LRMDA: variants seen among roughly 807,000 people sequenced by gnomAD.
The protein encoded by LRMDA is leucine-rich melanocyte differentiation-associated protein.
Under a neutral mutation model 29.8 loss-of-function variants are expected in LRMDA, and 18 were observed. That is an observed-to-expected ratio of 0.60 (90% CI 0.42 to 0.90). The LOEUF (loss-of-function observed/expected upper bound fraction) is 0.90. Among genes scored for constraint, LRMDA ranks in the 40% least tolerant of loss-of-function variants. The probability of loss-of-function intolerance (pLI) is 0.00; values close to 1 mark genes in which losing one functional copy is unlikely to be tolerated. For missense variants in LRMDA, 273 were observed against 273.9 expected, an observed-to-expected ratio of 1.00 and a Z score of 0.02; for synonymous variants, 125 against 109.4, an observed-to-expected ratio of 1.14 and a Z score of -0.89.
intron 2 of LRMDA, among the ~76,000 whole-genome samples, chr10:75,720,506 CTG>C (rs560431386): frequency 1.0e-3 from 156 of 152,320 alleles, no homozygotes; most frequent in African/African-American, 3.4e-3. Flanking sequence ...TGTGCCCATT[CTG>C]TGAGTGGAAA....
At chr10:76,307,367 AATG>A (rs1840570269) in intron 5 of LRMDA, among the ~76,000 whole-genome samples, 1 of 152,148 alleles carries the variant, frequency 6.6e-6, no homozygotes, top group South Asian at 2.1e-4. Context: ...GCCTAAAGAT[AATG>A]ATGAGATGTT....
intron 2 of LRMDA, among the ~76,000 whole-genome samples, chr10:75,688,316 A>G (rs536688642): frequency 6.6e-6 from 1 of 152,334 alleles, no homozygotes; most frequent in East Asian, 1.9e-4. Context: ...ATAAAATACC[A>G]ACATTAGCAG....
At position 75,819,208 on chromosome 10, in the gene LRMDA, A is replaced by G. The variant is rs1179169581; in HGVS notation, c.132-216800A>G. 9.2e-5 allele frequency among the ~76,000 whole-genome samples: 14 copies of G among 152,310 alleles called. No homozygotes were observed. In the East Asian group the frequency reaches 1.4e-3, roughly 15 times the overall value. ...AACCTTTGTCTGTGGGAGGAGGATT[A>G]TGTTTAAACAAGAGAGCAAGGTGGG... On this transcript the variant is annotated intron_variant, in intron 2 of 6. Transcript: ENST00000611255.
chr10:75,677,366 T>A (rs941264144), intron 2 of LRMDA, among the ~76,000 whole-genome samples: 2 of 127,406 alleles, frequency 1.6e-5, no homozygotes, highest in East Asian at 2.1e-4. Context: ...GTGAGGATTT[T>A]AAAAAATGTA....
chr10:75,962,480 C>T (rs1364388293), intron 2 of LRMDA, among the ~76,000 whole-genome samples: 1 of 152,132 alleles, frequency 6.6e-6, no homozygotes, highest in African/African-American at 2.4e-5. Flanking sequence ...CTGGTGCTGA[C>T]TGAAGTTTGA....
At chr10:75,968,824 A>C (rs1373563560) in intron 2 of LRMDA, among the ~76,000 whole-genome samples, 1 of 152,154 alleles carries the variant, frequency 6.6e-6, no homozygotes, top group Non-Finnish European at 1.5e-5. Flanking sequence ...TGAGTGGAAA[A>C]ATTGTTTGAA....
chr10:75,579,581 A>T (rs1378615625), intron 2 of LRMDA, among the ~76,000 whole-genome samples: 2 of 152,246 alleles, frequency 1.3e-5, no homozygotes, highest in African/African-American at 4.8e-5. Context: ...TGAGGCCAGC[A>T]TCATCCTCAT....
chr10:76,237,548 G>T (rs563862932), intron 5 of LRMDA, among the ~76,000 whole-genome samples: 84 of 152,180 alleles, frequency 5.5e-4, no homozygotes, highest in Non-Finnish European at 9.9e-4. Flanking sequence ...TGTGACTTTG[G>T]TGGCTTTTGC....
At chr10:75,619,537 CAAAG>C (rs1465293227) in intron 2 of LRMDA, among the ~76,000 whole-genome samples, 1 of 152,150 alleles carries the variant, frequency 6.6e-6, no homozygotes, top group Non-Finnish European at 1.5e-5. Context: ...CACAAAGCCC[CAAAG>C]GTTCTATTTT....
intron 2 of LRMDA, among the ~76,000 whole-genome samples, chr10:75,521,091 G>A (rs887873072): frequency 6.6e-6 from 1 of 152,132 alleles, no homozygotes; most frequent in East Asian, 1.9e-4. Context: ...GTCCCAGAGG[G>A]GCATCCACCT....
At chr10:75,919,709 TA>T (rs1845996187) in intron 2 of LRMDA, among the ~76,000 whole-genome samples, 3 of 152,132 alleles carry the variant, frequency 2.0e-5, no homozygotes, top group Admixed American at 1.3e-4. Flanking sequence ...AAGTTGTATC[TA>T]AGGTTAAGAG....
chr10:76,056,078 G>A (rs905689983), intron 4 of LRMDA, among the ~76,000 whole-genome samples: 7 of 152,232 alleles, frequency 4.6e-5, no homozygotes, highest in Admixed American at 2.0e-4. Flanking sequence ...GCAAAGAGGT[G>A]CTTTATTAAG....
intron 5 of LRMDA, among the ~76,000 whole-genome samples, chr10:76,154,581 G>C (rs73285266): frequency 2.0e-4 from 31 of 152,296 alleles, no homozygotes; most frequent in African/African-American, 7.0e-4. Context: ...ATGGTTTGGA[G>C]AATTTCCTAG....
intron 5 of LRMDA, among the ~76,000 whole-genome samples, chr10:76,186,616 C>T (rs1851154733): frequency 6.6e-6 from 1 of 152,208 alleles, no homozygotes; most frequent in East Asian, 1.9e-4. Flanking sequence ...TCTGTCACTT[C>T]TTGGAGCCAT....
intron 2 of LRMDA, among the ~76,000 whole-genome samples, chr10:75,739,511 C>A (rs999412428): frequency 1.3e-5 from 2 of 152,150 alleles, no homozygotes; most frequent in African/African-American, 4.8e-5. Flanking sequence ...GGTGCAAGAA[C>A]CTGCGGAGAG....
intron 2 of LRMDA, among the ~76,000 whole-genome samples, chr10:75,487,908 A>C (rs1022625170): frequency 7.2e-5 from 11 of 152,154 alleles, no homozygotes; most frequent in African/African-American, 2.4e-4. Flanking sequence ...TGAGGGTTTG[A>C]GCTACTTCTG....
intron 2 of LRMDA, among the ~76,000 whole-genome samples, chr10:76,030,219 AG>A (rs1257364529): frequency 6.6e-6 from 1 of 152,132 alleles, no homozygotes; most frequent in Admixed American, 6.5e-5. Context: ...ATACACTTAC[AG>A]TATGGATTAG....
At chr10:75,438,277 G>A (rs1844284676) in intron 1 of LRMDA, 117 bp from the exon 2 acceptor site, 1 of 825,924 alleles carries the variant, frequency 1.2e-6, no homozygotes, top group Non-Finnish European at 2.0e-6. Flanking sequence ...GCCTTTTTGT[G>A]TGTGAGAAAC....
At chr10:75,740,355 G>A (rs374260702) in intron 2 of LRMDA, among the ~76,000 whole-genome samples, 1 of 152,154 alleles carries the variant, frequency 6.6e-6, no homozygotes, top group African/African-American at 2.4e-5. Flanking sequence ...GTCTGCTTGC[G>A]GCATCACTGG....
Sources: gnomAD v4.1 joint callset for allele counts (sites outside exome capture counted in the v4.1 genomes callset) on GRCh38, gnomAD v4.1.1 for gene constraint, MANE v1.5 for transcripts, NCBI Gene and HGNC (gene_info 2026-07-23, HGNC 2026-07-21) for gene names.